Variants in SRRM3 observed in about 807,000 individuals in gnomAD.
SRRM3 encodes the protein serine/arginine repetitive matrix protein 3.
SRRM3 carries 27 observed loss-of-function variants against 66.2 expected under a neutral mutation model. The observed-to-expected ratio is 0.41, with a 90% CI of 0.30 to 0.56. The LOEUF (loss-of-function observed/expected upper bound fraction) is 0.56. Ranked by LOEUF, SRRM3 falls within the 20% of genes least tolerant of loss-of-function variation. The pLI, the probability that SRRM3 is intolerant of heterozygous loss-of-function variation, is 0.32. For missense variants in SRRM3, 918 were observed against 991.9 expected (o/e 0.93, Z 1.00); for synonymous variants, 391 against 414.9 (o/e 0.94, Z 0.70).
At position 76,283,029 on chromosome 7, in the gene SRRM3, C is replaced by T. The variant is rs1447769056; in HGVS notation, c.1661C>T (p.Ser554Phe). Residue 554 changes from serine to phenylalanine, a missense_variant, in exon 14 of 15, where the codon TCC becomes TTC. Coordinates refer to ENST00000611745, the MANE Select transcript of SRRM3 (RefSeq NM_001110199.3). ...EAEATRARRR[S>F]RSYSPIRKRR... Reference sequence around the variant, plus strand: ...GAGGCCACCCGCGCCCGGCGCCGCTCCCGCAGCTACTCGCCCATCCGCAAG... The same window carrying T: ...GAGGCCACCCGCGCCCGGCGCCGCTTCCGCAGCTACTCGCCCATCCGCAAG... The T allele has an allele frequency of 2.0e-6, 3 of 1,487,166 alleles. No homozygotes were observed. The African/African-American group carries it at 4.4e-5, about 22-fold the overall frequency. 92.1% of individuals were successfully genotyped at this position (1,487,166 alleles called of 1,614,324 possible). A position where few individuals can be genotyped will look rare whatever the true frequency, so the allele number is the denominator to read the frequency against.
At chr7:76,211,302 G>C (rs1261154296) in intron 1 of SRRM3, among the ~76,000 whole-genome samples, 2 of 152,008 alleles carry the variant, frequency 1.3e-5, no homozygotes, top group Non-Finnish European at 2.9e-5. Flanking sequence ...ATTTTGGCAG[G>C]AGCAGAGAGG....
chr7:76,262,516 G>GAA (rs782055282), intron 8 of SRRM3, among the ~76,000 whole-genome samples: 23,707 of 92,408 alleles, frequency 0.26, 2,939 homozygotes, highest in East Asian at 0.44. Context: ...CTCTGTCTCA[G>GAA]AAAAAAAAAA....
At chr7:76,221,113 A>G (rs1158805185) in intron 1 of SRRM3, among the ~76,000 whole-genome samples, 1 of 148,404 alleles carries the variant, frequency 6.7e-6, no homozygotes, top group East Asian at 2.0e-4. Context: ...GCTGGAGTGC[A>G]GTGGCGCAAT....
At chr7:76,260,058 T>A in intron 4 of SRRM3, 24 bp downstream of exon 4, 1 of 1,397,984 alleles carries the variant, frequency 7.2e-7, no homozygotes, top group South Asian at 1.4e-5. Flanking sequence ...GCGGCGGGGG[T>A]GGGGGGCGCG....
chr7:76,253,513 C>A (rs1231137208), intron 3 of SRRM3, among the ~76,000 whole-genome samples: 8 of 151,708 alleles, frequency 5.3e-5, no homozygotes, highest in African/African-American at 1.5e-4. Context: ...CTCCGCTACT[C>A]GGGAAGCTGA....
chr7:76,211,744 C>T (rs1401108415), intron 1 of SRRM3, among the ~76,000 whole-genome samples: 1 of 151,880 alleles, frequency 6.6e-6, no homozygotes, highest in African/African-American at 2.4e-5. Context: ...AGCAGATTCC[C>T]AGGACCCACC....
At chr7:76,275,351 G>A (rs1298689961) in intron 11 of SRRM3, among the ~76,000 whole-genome samples, 1 of 151,320 alleles carries the variant, frequency 6.6e-6, no homozygotes, top group Non-Finnish European at 1.5e-5. Context: ...CAAGCTAGGC[G>A]AGGTGGTACC....
chr7:76,282,823 C>A lies in SRRM3; in HGVS notation c.1546C>A (p.Arg516=), dbSNP rs868916981. The change falls in exon 13 of 15, where the codon CGG becomes AGG. Residue 516 remains arginine (R), a synonymous_variant. Transcript: ENST00000611745. ...SKSRSRSAEK[R]PHSPSRSPSP... Reference sequence around the variant, plus strand: ...ATCTCGCTCGCGCTCTGCGGAGAAGCGGCCCCACAGCCCCAGCCGCTCGCC... The same window carrying A: ...ATCTCGCTCGCGCTCTGCGGAGAAGAGGCCCCACAGCCCCAGCCGCTCGCC... 2.1e-6 allele frequency: 3 copies of A among 1,462,408 alleles called. No homozygotes were observed. The highest frequency in any genetic ancestry group is 1.8e-6 in the Non-Finnish European group (2 of 1,112,876). 90.6% of individuals were successfully genotyped at this position (1,462,408 alleles called of 1,614,324 possible).
At chr7:76,211,856 T>C (rs1375050346) in intron 1 of SRRM3, among the ~76,000 whole-genome samples, 5 of 144,212 alleles carry the variant, frequency 3.5e-5, no homozygotes, top group African/African-American at 2.6e-5. Flanking sequence ...TTATTATTAT[T>C]AGAGACTAGG....
chr7:76,202,082 G>A lies in SRRM3; in HGVS notation c.-40+15G>A, dbSNP rs1453636376. ...TCAGCGGTGAGGTGAGAGCGCCTGT[G>A]GGGCGGGGGCATATCCCCGAGGGGC... On this transcript the variant is annotated intron_variant, in intron 1 of 14. Transcript: ENST00000611745. 2.0e-5 allele frequency: 3 copies of A among 152,410 alleles called. No individual in the cohort carries two copies. The highest frequency in any genetic ancestry group is 7.2e-5 in the African/African-American group (3 of 41,456). 9.4% of individuals were successfully genotyped at this position (152,410 alleles called of 1,614,324 possible).
Position 76,209,234 on chromosome 7 carries a change from C to T in SRRM3, c.-40+7167C>T, listed in dbSNP as rs550933272. Among the ~76,000 whole-genome samples the T allele has an allele frequency of 2.0e-5, 3 of 152,334 alleles. No homozygotes were observed. In the South Asian group the frequency reaches 6.2e-4, roughly 32 times the overall value. Reference sequence around the variant, plus strand: ...CTGGGCACAGCACGAGGCCCGAGGACACAGAGGTGAATCAGACTCTGCCTC... The same window carrying T: ...CTGGGCACAGCACGAGGCCCGAGGATACAGAGGTGAATCAGACTCTGCCTC... On this transcript the variant is annotated intron_variant, in intron 1 of 14. Transcript: ENST00000611745.
At chr7:76,283,196 T>G in intron 14 of SRRM3, 95 bp downstream of exon 14, 5 of 1,072,060 alleles carry the variant, frequency 4.7e-6, no homozygotes, top group Non-Finnish European at 4.6e-6. Flanking sequence ...TCTCTGAGGA[T>G]CCACTGAACC....
intron 1 of SRRM3, among the ~76,000 whole-genome samples, chr7:76,228,879 T>A (rs1401703100): frequency 2.0e-5 from 3 of 150,320 alleles, no homozygotes; most frequent in Admixed American, 6.7e-5. Flanking sequence ...CTGGGGGACG[T>A]GAGCAATTTC....
chr7:76,256,823 C>A (rs1183449728), intron 3 of SRRM3, among the ~76,000 whole-genome samples: 4 of 151,562 alleles, frequency 2.6e-5, no homozygotes, highest in Non-Finnish European at 5.9e-5. Flanking sequence ...GATTCTCCTG[C>A]CTCAGCCTCC....
chr7:76,245,091 G>A (rs1349486125), intron 2 of SRRM3, among the ~76,000 whole-genome samples: 16 of 152,334 alleles, frequency 1.1e-4, no homozygotes, highest in East Asian at 5.8e-4. Flanking sequence ...TTGAACCTGC[G>A]ATGGGGGGAG....
intron 11 of SRRM3, among the ~76,000 whole-genome samples, chr7:76,271,789 T>C (rs915370080): frequency 6.6e-6 from 1 of 152,224 alleles, no homozygotes. Context: ...TGGTTGCTGG[T>C]TGACTCAGCT....
intron 12 of SRRM3, 90 bp downstream of exon 12, chr7:76,281,892 C>T: frequency 9.6e-7 from 1 of 1,044,604 alleles, no homozygotes; most frequent in South Asian, 3.1e-5. Flanking sequence ...GGGATCCCTC[C>T]CCGCGCTGAG....
At chr7:76,261,613 T>A in intron 8 of SRRM3, 32 bp downstream of exon 8, 1 of 1,603,180 alleles carries the variant, frequency 6.2e-7, no homozygotes, top group Non-Finnish European at 8.5e-7. Flanking sequence ...ACATGGTCAG[T>A]GGTCCCTTAA....
intron 2 of SRRM3, among the ~76,000 whole-genome samples, chr7:76,241,376 C>A (rs1022269809): frequency 1.3e-5 from 2 of 152,214 alleles, no homozygotes; most frequent in African/African-American, 4.8e-5. Context: ...AGGCAATTCT[C>A]GGAGCTGGTG....
Sources: gnomAD v4.1 joint callset for allele counts (sites outside exome capture counted in the v4.1 genomes callset) on GRCh38, gnomAD v4.1.1 for gene constraint, MANE v1.5 for transcripts, NCBI Gene and HGNC (gene_info 2026-07-23, HGNC 2026-07-21) for gene names.